RBFOX1: variants seen among roughly 807,000 people sequenced by gnomAD.
RBFOX1 encodes RNA binding fox-1 homolog 1.
Under a neutral mutation model 57.7 loss-of-function variants are expected in RBFOX1, and 8 were observed. The observed-to-expected ratio is 0.14, with a 90% CI of 0.08 to 0.25. The LOEUF (loss-of-function observed/expected upper bound fraction) is 0.25, where lower values mean the gene tolerates loss of function less well. Among genes scored for constraint, RBFOX1 ranks in the 10% least tolerant of loss-of-function variants. RBFOX1 has a pLI of 1.00. For missense variants in RBFOX1, 611 were observed against 548.5 expected (o/e 1.11, Z -1.14); for synonymous variants, 326 against 222.4 (o/e 1.47, Z -4.15).
intron 1 of RBFOX1, among the ~76,000 whole-genome samples, chr16:5,383,522 T>G (rs2066181551): frequency 6.6e-6 from 1 of 152,144 alleles, no homozygotes; most frequent in Non-Finnish European, 1.5e-5. Context: ...ATCAAAGACA[T>G]AGAATATTCA....
chr16:5,549,637 A>G (rs186170964), intron 2 of RBFOX1, among the ~76,000 whole-genome samples: 1 of 152,350 alleles, frequency 6.6e-6, no homozygotes, highest in East Asian at 1.9e-4. Flanking sequence ...GTTGGGGCAC[A>G]GCATTCAAAA....
In RBFOX1 at chr16:7,504,803, T is replaced by TTA. The variant is rs1555526592; in HGVS notation, c.28-13329_28-13328dup. 2.3e-3 allele frequency among the ~76,000 whole-genome samples: 153 copies of TTA among 66,762 alleles called. 4 individuals carry two copies. Among genetic ancestry groups the TTA allele is most frequent in the South Asian group, 7.4e-3 (16 of 2,170 alleles). 43.8% of individuals were successfully genotyped at this position (66,762 alleles called of 152,430 possible). A position where few individuals can be genotyped will look rare whatever the true frequency, so the allele number is the denominator to read the frequency against. On this transcript the variant is annotated intron_variant, in intron 4 of 15. Coordinates refer to ENST00000550418, the MANE Select transcript of RBFOX1 (RefSeq NM_018723.4). The stretch of plus-strand genomic sequence containing the variant: ...TATATATATTTATATATATATATAT[T>TTA]TATATATATATATATAGTGACTAAC...
At chr16:5,313,818 A>G (rs1238811999) in intron 1 of RBFOX1, among the ~76,000 whole-genome samples, 1 of 152,152 alleles carries the variant, frequency 6.6e-6, no homozygotes, top group Non-Finnish European at 1.5e-5. Context: ...GAATGGTGGG[A>G]ATTACAATCA....
intron 3 of RBFOX1, among the ~76,000 whole-genome samples, chr16:5,713,896 C>T (rs1188552984): frequency 4.6e-5 from 7 of 152,224 alleles, no homozygotes; most frequent in Admixed American, 3.9e-4. Flanking sequence ...AAGCCCAGAT[C>T]ATCTACGTTG....
intron 4 of RBFOX1, among the ~76,000 whole-genome samples, chr16:7,275,520 A>G (rs763119284): frequency 6.6e-6 from 1 of 152,178 alleles, no homozygotes; most frequent in Admixed American, 6.5e-5. Context: ...CCATAACTAT[A>G]TAGAATTTGG....
chr16:7,677,347 T>C (rs992971265), intron 14 of RBFOX1, among the ~76,000 whole-genome samples: 2 of 151,878 alleles, frequency 1.3e-5, no homozygotes, highest in African/African-American at 4.8e-5. Flanking sequence ...AGAGGGAGAG[T>C]GTCCCTGGCA....
chr16:7,063,757 TG>T (rs2055206499), intron 4 of RBFOX1, among the ~76,000 whole-genome samples: 1 of 152,208 alleles, frequency 6.6e-6, no homozygotes, highest in Non-Finnish European at 1.5e-5. Context: ...GCAGACTTTT[TG>T]TCATCATTCC....
chr16:7,332,250 G>T (rs1055563079), intron 4 of RBFOX1, among the ~76,000 whole-genome samples: 1 of 152,084 alleles, frequency 6.6e-6, no homozygotes, highest in Non-Finnish European at 1.5e-5. Flanking sequence ...TTGTTATATG[G>T]GACTGATAAT....
chr16:6,637,460 T>A (rs1351155289), intron 2 of RBFOX1, among the ~76,000 whole-genome samples: 9 of 60,580 alleles, frequency 1.5e-4, no homozygotes, highest in Non-Finnish European at 2.4e-4. Context: ...GTATATAATA[T>A]GTATTATATA....
At chr16:6,950,968 T>C (rs1390311933) in intron 3 of RBFOX1, among the ~76,000 whole-genome samples, 1 of 152,020 alleles carries the variant, frequency 6.6e-6, no homozygotes, top group East Asian at 1.9e-4. Flanking sequence ...TGCAGTGGCA[T>C]GATCACAGCT....
chr16:7,630,346 G>C (rs1054804550), intron 10 of RBFOX1, among the ~76,000 whole-genome samples: 2 of 151,936 alleles, frequency 1.3e-5, no homozygotes, highest in Non-Finnish European at 2.9e-5. Flanking sequence ...CCTGGGCCCT[G>C]GGGCAACCAG....
chr16:5,311,651 A>C (rs2064092333), intron 1 of RBFOX1, among the ~76,000 whole-genome samples: 1 of 152,168 alleles, frequency 6.6e-6, no homozygotes, highest in African/African-American at 2.4e-5. Flanking sequence ...ATGATGAGTT[A>C]TGTTGAGAAT....
intron 2 of RBFOX1, among the ~76,000 whole-genome samples, chr16:6,572,783 G>A (rs1386665039): frequency 2.0e-5 from 3 of 152,104 alleles, no homozygotes; most frequent in East Asian, 1.9e-4. Context: ...TAGTAGAAAC[G>A]GGGTTTCACC....
chr16:5,668,618 G>C (rs536936557), intron 3 of RBFOX1, among the ~76,000 whole-genome samples: 2 of 152,184 alleles, frequency 1.3e-5, no homozygotes, highest in Admixed American at 1.3e-4. Flanking sequence ...TGACAGGTAG[G>C]TGTGTTATGC....
At chr16:7,021,618 T>A (rs1394343097) in intron 3 of RBFOX1, among the ~76,000 whole-genome samples, 1 of 146,986 alleles carries the variant, frequency 6.8e-6, no homozygotes, top group African/African-American at 2.5e-5. Context: ...TAAAATATAA[T>A]ATTTTATAAA....
chr16:7,093,188 C>T (rs770307306), intron 4 of RBFOX1, among the ~76,000 whole-genome samples: 1 of 152,200 alleles, frequency 6.6e-6, no homozygotes, highest in Admixed American at 6.5e-5. Flanking sequence ...ATTCAGCACC[C>T]ATACTGGTCA....
intron 3 of RBFOX1, among the ~76,000 whole-genome samples, chr16:7,013,166 G>T (rs1447166630): frequency 6.6e-6 from 1 of 152,192 alleles, no homozygotes; most frequent in African/African-American, 2.4e-5. Flanking sequence ...GTGGTGTAAT[G>T]CTCTGATACT....
chr16:6,321,180 T>C (rs1229213630), intron 2 of RBFOX1, among the ~76,000 whole-genome samples: 1 of 152,242 alleles, frequency 6.6e-6, no homozygotes, highest in Non-Finnish European at 1.5e-5. Context: ...ATACATATAC[T>C]GTATAGTAAT....
chr16:5,575,462 C>A (rs1428522201), intron 2 of RBFOX1, among the ~76,000 whole-genome samples: 1 of 152,168 alleles, frequency 6.6e-6, no homozygotes, highest in Non-Finnish European at 1.5e-5. Context: ...GGATGATACA[C>A]CAAGAATGCA....
Sources: gnomAD v4.1 joint callset for allele counts (sites outside exome capture counted in the v4.1 genomes callset) on GRCh38, gnomAD v4.1.1 for gene constraint, MANE v1.5 for transcripts, NCBI Gene and HGNC (gene_info 2026-07-23, HGNC 2026-07-21) for gene names.